NSD1: variants seen among roughly 807,000 people sequenced by gnomAD.
NSD1 encodes the protein histone-lysine N-methyltransferase, H3 lysine-36 specific.
NSD1 carries 26 observed loss-of-function variants against 242.7 expected under a neutral mutation model. The observed-to-expected ratio is 0.11, with a 90% CI of 0.08 to 0.15. The LOEUF is 0.15. NSD1 is among the 10% of genes least tolerant of loss of function. The pLI is 1.00. For missense variants in NSD1, 2,495 were observed against 3,272.8 expected, an observed-to-expected ratio of 0.76 and a Z score of 5.80; for synonymous variants, 1,106 against 1,178.1, an observed-to-expected ratio of 0.94 and a Z score of 1.25.
In NSD1 at chr5:177,299,830, C is replaced by A; in HGVS notation, c.*4371C>A. 4.3e-6 allele frequency: 1 copy of A among 233,318 alleles called. No individual in the cohort carries two copies. The allele number at this position is 233,318 out of a possible 1,614,324, so 14.5% of individuals were successfully genotyped here. Reference sequence around the variant, plus strand: ...GAAATAAATGGTTCTATGTTTTCAACTTCCAGGGTTGGGGCAGGCCAGAGC... The same window carrying A: ...GAAATAAATGGTTCTATGTTTTCAAATTCCAGGGTTGGGGCAGGCCAGAGC... On this transcript the variant is annotated 3_prime_UTR_variant, in exon 23 of 23. Transcript: ENST00000439151.
At chr5:177,227,605 T>C (rs1314246093) in intron 5 of NSD1, among the ~76,000 whole-genome samples, 1 of 152,038 alleles carries the variant, frequency 6.6e-6, no homozygotes, top group Non-Finnish European at 1.5e-5. Context: ...CACATCGGGC[T>C]AATGTTTGTA....
chr5:177,188,190 GATTTA>G (rs1199848199), intron 2 of NSD1, among the ~76,000 whole-genome samples: 1 of 152,144 alleles, frequency 6.6e-6, no homozygotes, highest in Non-Finnish European at 1.5e-5. Context: ...GGCTTAAATG[GATTTA>G]TTTTAGTGTC....
chr5:177,189,616 C>A (rs1761509346), intron 2 of NSD1, among the ~76,000 whole-genome samples: 1 of 152,136 alleles, frequency 6.6e-6, no homozygotes, highest in African/African-American at 2.4e-5. Flanking sequence ...CACTTAATAA[C>A]TATGTAACCA....
chr5:177,224,601 A>AT, intron 5 of NSD1, among the ~76,000 whole-genome samples: 1 of 150,924 alleles, frequency 6.6e-6, no homozygotes, highest in Middle Eastern at 3.4e-3. Context: ...TAGTAATAGT[A>AT]TTTTTTTATG....
rs971730842 is a variant in NSD1 at position 177,265,878 on chromosome 5, A to T, written c.5147-1684A>T. 1.9e-5 allele frequency: 28 copies of T among 1,475,962 alleles called. No homozygotes were observed. In the Admixed American group the frequency reaches 4.4e-4, roughly 23 times the overall value. 91.4% of individuals were successfully genotyped at this position (1,475,962 alleles called of 1,614,324 possible). A position where few individuals can be genotyped will look rare whatever the true frequency, so the allele number is the denominator to read the frequency against. On this transcript the variant is annotated intron_variant, in intron 14 of 22. Coordinates refer to ENST00000439151, the MANE Select transcript of NSD1 (RefSeq NM_022455.5). ...TAGTCATTCTGCTTCACTTGCAGGC[A>T]GAACGGGGAGGTGAAGGTCAGGTCT...
intron 2 of NSD1, among the ~76,000 whole-genome samples, chr5:177,188,979 A>T (rs1404049871): frequency 6.6e-6 from 1 of 152,128 alleles, no homozygotes; most frequent in Non-Finnish European, 1.5e-5. Flanking sequence ...GGAGGCGAAG[A>T]TTGCAGTGAG....
At chr5:177,249,324 TG>T in intron 11 of NSD1, among the ~76,000 whole-genome samples, 1 of 152,132 alleles carries the variant, frequency 6.6e-6, no homozygotes, top group Non-Finnish European at 1.5e-5. Context: ...TTAAAAAATT[TG>T]TCTTTTTTTT....
At chr5:177,132,006 G>A (rs909687818), upstream of NSD1, among the ~76,000 whole-genome samples, 1 of 152,226 alleles carries the variant, frequency 6.6e-6, no homozygotes, top group Non-Finnish European at 1.5e-5. This position sits in a 1 kb window ranked among gnomAD's most constrained non-coding sequence, Gnocchi z 7.5. Context: ...CGAGGGGCTG[G>A]AGTCGCAAGT....
chr5:177,168,781 G>A (rs144398491), intron 2 of NSD1, among the ~76,000 whole-genome samples: 5 of 152,212 alleles, frequency 3.3e-5, no homozygotes, highest in South Asian at 2.1e-4. Context: ...TACCTGTAGC[G>A]TAAAAATCCA....
At chr5:177,196,725 G>T (rs1332277713) in intron 3 of NSD1, among the ~76,000 whole-genome samples, 1 of 152,180 alleles carries the variant, frequency 6.6e-6, no homozygotes, top group African/African-American at 2.4e-5. Context: ...GAGACAAAAG[G>T]TACATTGAGG....
At chr5:177,229,176 C>G (rs893472056) in intron 5 of NSD1, among the ~76,000 whole-genome samples, 7 of 151,046 alleles carry the variant, frequency 4.6e-5, no homozygotes, top group African/African-American at 1.7e-4. Context: ...TTCATTCATT[C>G]ATTGATTAAC....
intron 5 of NSD1, among the ~76,000 whole-genome samples, chr5:177,227,254 A>G (rs1764702377): frequency 6.6e-6 from 1 of 152,204 alleles, no homozygotes; most frequent in Non-Finnish European, 1.5e-5. Context: ...GGAATTCAGA[A>G]TAAAGAAAGT....
chr5:177,264,037 T>TATTTTTTTTTTA (rs1757214053), intron 14 of NSD1, among the ~76,000 whole-genome samples: 1 of 105,422 alleles, frequency 9.5e-6, no homozygotes, highest in African/African-American at 3.2e-5. Flanking sequence ...AATTTTTTTT[T>TATTTTTTTTTTA]TTTTTTTTTT....
In NSD1 at chr5:177,211,328, A is replaced by C. The variant is rs751474701; in HGVS notation, c.2929A>C (p.Asn977His). 2 of 1,614,132 alleles carry C rather than the reference A, an allele frequency of 1.2e-6. No homozygotes were observed. The highest frequency in any genetic ancestry group is 1.7e-6 in the Non-Finnish European group (2 of 1,180,030). ...KKGDGTQNSA[N>H]PSPSGGDSAL... ...GGGAGATGGCACTCAGAACTCCGCC[A>C]ATCCTAGCCCTAGTGGGGGTGACTC... Residue 977 changes from asparagine to histidine, a missense_variant, in exon 5 of 23, where the codon AAT becomes CAT. Asn to His is a moderately conservative substitution (Grantham distance 68). Transcript: ENST00000439151.
At chr5:177,182,285 C>G (rs1562166129) in intron 2 of NSD1, among the ~76,000 whole-genome samples, 1 of 152,152 alleles carries the variant, frequency 6.6e-6, no homozygotes, top group Non-Finnish European at 1.5e-5. Flanking sequence ...CCACTGCATT[C>G]CAGCTTGGGC....
intron 2 of NSD1, among the ~76,000 whole-genome samples, chr5:177,184,691 C>T (rs1333949160): frequency 2.0e-5 from 3 of 151,892 alleles, no homozygotes; most frequent in Admixed American, 2.0e-4. Flanking sequence ...ACCATGTCTG[C>T]CTGGTGTGGG....
At chr5:177,291,875 T>C in intron 21 of NSD1, 79 bp from the exon 22 acceptor site, 1 of 1,295,846 alleles carries the variant, frequency 7.7e-7, no homozygotes, top group Non-Finnish European at 1.1e-6. Flanking sequence ...AGAATGAGGC[T>C]CAGAGAGGGT....
chr5:177,291,029 TG>T (rs1759774148), intron 21 of NSD1, among the ~76,000 whole-genome samples: 1 of 152,144 alleles, frequency 6.6e-6, no homozygotes, highest in Non-Finnish European at 1.5e-5. Flanking sequence ...CAGAATAGGG[TG>T]GACCTCCATT....
chr5:177,207,593 A>ATTTTTTTTTTTT lies in NSD1; in HGVS notation c.1237-2025_1237-2014dup, dbSNP rs150492535. On this transcript the variant is annotated intron_variant, in intron 4 of 22. Coordinates refer to ENST00000439151, the MANE Select transcript of NSD1 (RefSeq NM_022455.5). ...CACCGTGCCTGGCCTATTTATTTAA[A>ATTTTTTTTTTTT]TTTTTTTTTTTTTTTTTTTTTTTTT... Among the ~76,000 whole-genome samples the ATTTTTTTTTTTT allele has an allele frequency of 1.9e-3, 150 of 78,222 alleles. 17 individuals are homozygous for ATTTTTTTTTTTT. Among genetic ancestry groups the ATTTTTTTTTTTT allele is most frequent in the African/African-American group, 0.01 (147 of 14,184 alleles). 51.3% of individuals were successfully genotyped at this position (78,222 alleles called of 152,430 possible). A position where few individuals can be genotyped will look rare whatever the true frequency, so the allele number is the denominator to read the frequency against.
Sources: allele counts gnomAD v4.1 joint callset (sites outside exome capture counted in the v4.1 genomes callset), GRCh38; gene constraint gnomAD v4.1.1; non-coding constraint Gnocchi (gnomAD v3.1); transcripts MANE v1.5; gene names NCBI Gene and HGNC (gene_info 2026-07-23, HGNC 2026-07-21).